Variants in DOCK1 observed in about 807,000 individuals in gnomAD.
The protein encoded by DOCK1 is dedicator of cytokinesis protein 1.
A neutral mutation model predicts 262.7 loss-of-function variants in DOCK1; 138 were observed. The ratio of observed to expected loss-of-function variants is 0.53; its 90% confidence interval spans 0.46 to 0.61. DOCK1 has a LOEUF of 0.61. DOCK1 is among the 20% of genes least tolerant of loss of function. The probability of loss-of-function intolerance (pLI) is 0.00; values close to 1 mark genes in which losing one functional copy is unlikely to be tolerated. For synonymous variants in DOCK1, 866 were observed against 867.4 expected (o/e 1.00, Z 0.03); for missense variants, 1,908 against 2,370.7 (o/e 0.80, Z 4.05).
chr10:127,053,978 C>T (rs893130117), intron 22 of DOCK1, among the ~76,000 whole-genome samples: 1 of 152,156 alleles, frequency 6.6e-6, no homozygotes, highest in African/African-American at 2.4e-5. Context: ...GTGAGTTCCA[C>T]ACACAGATGG....
intron 27 of DOCK1, among the ~76,000 whole-genome samples, chr10:127,133,011 C>T (rs187667626): frequency 6.6e-6 from 1 of 152,158 alleles, no homozygotes; most frequent in Non-Finnish European, 1.5e-5. Flanking sequence ...CATCCTGACT[C>T]CCTAGACACA....
chr10:127,312,570 A>T (rs1185959145), intron 29 of DOCK1, among the ~76,000 whole-genome samples: 1 of 152,182 alleles, frequency 6.6e-6, no homozygotes, highest in African/African-American at 2.4e-5. Context: ...GCACTGGGCC[A>T]AGGGTCCACT....
chr10:127,356,848 C>T (rs1340948618), intron 32 of DOCK1, among the ~76,000 whole-genome samples: 1 of 152,144 alleles, frequency 6.6e-6, no homozygotes, highest in Non-Finnish European at 1.5e-5. Flanking sequence ...AGAGTGAGTC[C>T]ATTTTCTTCT....
chr10:127,325,404 A>G (rs1488242044), intron 29 of DOCK1, among the ~76,000 whole-genome samples: 1 of 152,136 alleles, frequency 6.6e-6, no homozygotes, highest in Admixed American at 6.5e-5. Context: ...CACTCTATGC[A>G]ATGTGAGCTT....
chr10:127,403,337 T>C, intron 39 of DOCK1, among the ~76,000 whole-genome samples, 193 bp downstream of exon 39: 1 of 152,348 alleles, frequency 6.6e-6, no homozygotes, highest in East Asian at 1.9e-4. Context: ...TATTTACTTT[T>C]TAGTCCCAAG....
At chr10:127,015,472 C>A (rs749054276) in intron 12 of DOCK1, among the ~76,000 whole-genome samples, 2 of 152,168 alleles carry the variant, frequency 1.3e-5, no homozygotes, top group Non-Finnish European at 2.9e-5. Context: ...TCAAAGTGGG[C>A]CTTTCTCCTG....
chr10:127,310,883 A>G (rs2062040252), intron 29 of DOCK1, among the ~76,000 whole-genome samples: 1 of 152,226 alleles, frequency 6.6e-6, no homozygotes, highest in Admixed American at 6.5e-5. Context: ...AGAAAAGAAA[A>G]AAAAGGACAG....
At position 127,447,663 on chromosome 10, in the gene DOCK1, A is replaced by G. The variant is rs2070673468; in HGVS notation, c.5565+118A>G. ...GGCTAGTGAGCACATGAGGAAAACC[A>G]TGTATGATGGGCCCGGGTTTGATTT... On this transcript the variant is annotated intron_variant, in intron 51 of 51. Transcript: ENST00000623213. 4 of 1,438,262 alleles carry G rather than the reference A, an allele frequency of 2.8e-6. No individual in the cohort carries two copies. In the African/African-American group the frequency reaches 4.3e-5, roughly 15 times the overall value. 89.1% of individuals were successfully genotyped at this position (1,438,262 alleles called of 1,614,324 possible). A position where few individuals can be genotyped will look rare whatever the true frequency, so the allele number is the denominator to read the frequency against.
At chr10:126,951,971 T>C (rs2036291252) in intron 1 of DOCK1, among the ~76,000 whole-genome samples, 1 of 151,728 alleles carries the variant, frequency 6.6e-6, no homozygotes, top group Non-Finnish European at 1.5e-5. Context: ...TGCCTCGGAC[T>C]CCTGAGTAGC....
At chr10:127,401,696 C>G (rs2067234018) in intron 38 of DOCK1, among the ~76,000 whole-genome samples, 1 of 151,514 alleles carries the variant, frequency 6.6e-6, no homozygotes, top group African/African-American at 2.4e-5. Context: ...CTGGCACTGT[C>G]TGTGACCAAT....
chr10:127,159,458 A>G (rs2053395338), intron 27 of DOCK1, among the ~76,000 whole-genome samples: 1 of 152,152 alleles, frequency 6.6e-6, no homozygotes, highest in Non-Finnish European at 1.5e-5. Context: ...ATAAATATAT[A>G]TACTTGTATA....
At chr10:127,345,354 ACACACAGTGAC>A (rs1453036404) in intron 31 of DOCK1, among the ~76,000 whole-genome samples, 3 of 152,178 alleles carry the variant, frequency 2.0e-5, no homozygotes, top group African/African-American at 4.8e-5. Context: ...GAGGAAGGTC[ACACACAGTGAC>A]CGAGCCACTT....
At chr10:127,126,484 G>T (rs115709013) in intron 26 of DOCK1, among the ~76,000 whole-genome samples, 10 of 152,186 alleles carry the variant, frequency 6.6e-5, no homozygotes, top group African/African-American at 1.7e-4. Flanking sequence ...TAATCCCAGC[G>T]GTTTGGGAAG....
intron 29 of DOCK1, among the ~76,000 whole-genome samples, chr10:127,294,191 GAT>G (rs1416183974): frequency 6.6e-6 from 1 of 152,206 alleles, no homozygotes; most frequent in East Asian, 1.9e-4. Context: ...GCCTGTCTCA[GAT>G]ATACTTATAA....
chr10:127,234,462 A>G (rs1377088924), intron 27 of DOCK1, among the ~76,000 whole-genome samples: 1 of 152,204 alleles, frequency 6.6e-6, no homozygotes, highest in Non-Finnish European at 1.5e-5. Context: ...GGAGCTGTTA[A>G]AGATCCGTAT....
chr10:127,230,949 G>T lies in DOCK1; in HGVS notation c.2848-17059G>T, dbSNP rs1220706600. ...AATTCTTCTAATCCATGAACATAAGGTATCTTCCATTTATTTTTATCATCT... is the reference window on the plus strand; with the variant it reads ...AATTCTTCTAATCCATGAACATAAGTTATCTTCCATTTATTTTTATCATCT... On this transcript the variant is annotated intron_variant, in intron 27 of 51. Coordinates refer to ENST00000623213, the MANE Select transcript of DOCK1 (RefSeq NM_001290223.2). Among the ~76,000 whole-genome samples, 2 of 151,940 alleles carry T rather than the reference G, an allele frequency of 1.3e-5. 1 individual carries two copies. The highest frequency in any genetic ancestry group is 6.8e-3 in the Middle Eastern group (2 of 294).
intron 11 of DOCK1, among the ~76,000 whole-genome samples, chr10:127,009,396 G>C (rs907133849): frequency 6.6e-6 from 1 of 152,134 alleles, no homozygotes; most frequent in Non-Finnish European, 1.5e-5. Flanking sequence ...TTGATTATCT[G>C]ATTTGTGGGT....
chr10:127,275,795 T>C (rs1447405346), intron 29 of DOCK1, among the ~76,000 whole-genome samples: 2 of 152,090 alleles, frequency 1.3e-5, no homozygotes, highest in African/African-American at 2.4e-5. Flanking sequence ...AAAAAACCCA[T>C]GTGACTTCTG....
intron 22 of DOCK1, among the ~76,000 whole-genome samples, chr10:127,055,290 G>A (rs2045062061): frequency 6.6e-6 from 1 of 152,172 alleles, no homozygotes; most frequent in African/African-American, 2.4e-5. Flanking sequence ...CCTTAGTGGG[G>A]TCTCTTTATC....
Sources: allele counts gnomAD v4.1 joint callset (sites outside exome capture counted in the v4.1 genomes callset), GRCh38; gene constraint gnomAD v4.1.1; transcripts MANE v1.5; gene names NCBI Gene and HGNC (gene_info 2026-07-23, HGNC 2026-07-21).